ABHD2: variants seen among roughly 807,000 people sequenced by gnomAD.
ABHD2 encodes monoacylglycerol lipase ABHD2.
A neutral mutation model predicts 48.1 loss-of-function variants in ABHD2; 20 were observed. That is an observed-to-expected ratio of 0.42 (90% CI 0.29 to 0.60). ABHD2 has a LOEUF of 0.60. Among genes scored for constraint, ABHD2 ranks in the 20% least tolerant of loss-of-function variants. The probability of loss-of-function intolerance (pLI) is 0.24; values close to 1 mark genes in which losing one functional copy is unlikely to be tolerated. For synonymous variants in ABHD2, 209 were observed against 214.2 expected (o/e 0.98, Z 0.21); for missense variants, 405 against 550.9 (o/e 0.74, Z 2.65).
At chr15:89,126,055 A>C (rs1325085931) in intron 3 of ABHD2, among the ~76,000 whole-genome samples, 1 of 152,210 alleles carries the variant, frequency 6.6e-6, no homozygotes, top group Non-Finnish European at 1.5e-5. Context: ...CTGGTTTCCA[A>C]AAATGTATGA....
chr15:89,161,903 A>G (rs12911992), intron 5 of ABHD2, among the ~76,000 whole-genome samples: 5,936 of 152,312 alleles, frequency 0.039, 181 homozygotes, highest in Non-Finnish European at 0.063. Context: ...GTCCCAGATC[A>G]GGGTGTCAGC....
In ABHD2 at chr15:89,201,781, T is replaced by C. The variant is rs2051467936; in HGVS notation, c.*6358T>C. 1 of 1,482,746 alleles carries C rather than the reference T, an allele frequency of 6.7e-7. No homozygotes were observed. Among genetic ancestry groups the C allele is most frequent in the Non-Finnish European group, 9.4e-7 (1 of 1,063,474 alleles). 91.8% of individuals were successfully genotyped at this position (1,482,746 alleles called of 1,614,324 possible). A position where few individuals can be genotyped will look rare whatever the true frequency, so the allele number is the denominator to read the frequency against. Reference sequence around the variant, plus strand: ...ACCAGGATCTGCTCGTGCTTCGCCGTGGCCCCGGAGGCAGACGCCATTGGA... The same window carrying C: ...ACCAGGATCTGCTCGTGCTTCGCCGCGGCCCCGGAGGCAGACGCCATTGGA... On this transcript the variant is annotated 3_prime_UTR_variant, in exon 11 of 11. Transcript: ENST00000352732.
At position 89,137,546 on chromosome 15, in the gene ABHD2, G is replaced by A. The variant is rs1014852775; in HGVS notation, c.195-14131G>A. Among the ~76,000 whole-genome samples, 7 of 152,164 alleles carry A rather than the reference G, an allele frequency of 4.6e-5. No homozygotes were observed. Among genetic ancestry groups the A allele is most frequent in the African/African-American group, 1.7e-4 (7 of 41,434 alleles). On this transcript the variant is annotated intron_variant, in intron 3 of 10. Transcript: ENST00000352732. This position sits in a 1 kb window ranked among gnomAD's most constrained non-coding sequence, Gnocchi z 4.8. Reference sequence around the variant, plus strand: ...CCGTCCTGTATTTAGAAACCAGTTCGGGAACGGAAGAGGATTGCTCTTTTG... The same window carrying A: ...CCGTCCTGTATTTAGAAACCAGTTCAGGAACGGAAGAGGATTGCTCTTTTG...
intron 3 of ABHD2, among the ~76,000 whole-genome samples, chr15:89,138,687 T>C (rs2050354590): frequency 6.6e-6 from 1 of 152,136 alleles, no homozygotes; most frequent in Non-Finnish European, 1.5e-5. Flanking sequence ...CAGTTTTCAA[T>C]TTGAAGAAAC....
In ABHD2 at chr15:89,146,719, CA is replaced by C. The variant is rs1201993581; in HGVS notation, c.195-4957del. On this transcript the variant is annotated intron_variant, in intron 3 of 10. Transcript: ENST00000352732. The surrounding 1 kb of genome is among the most constrained non-coding windows in gnomAD (Gnocchi z 4.2). ...GCTTTAAAAAATACAGACAGAAAGA[CA>C]TGCAAATTAGCGTAGTAAAAATGGA... Among the ~76,000 whole-genome samples the C allele has an allele frequency of 4.6e-5, 7 of 152,082 alleles. No individual in the cohort carries two copies. Among genetic ancestry groups the C allele is most frequent in the African/African-American group, 1.7e-4 (7 of 41,406 alleles).
At position 89,201,949 on chromosome 15, in the gene ABHD2, A is replaced by G. The variant is rs558542673; in HGVS notation, c.*6526A>G. ...CTTATGTTGGCAGATCTGCTTCCAG[A>G]TTGATTTTTAGAGCACCATCACTTT... On this transcript the variant is annotated 3_prime_UTR_variant, in exon 11 of 11. Transcript: ENST00000352732. 2 of 504,838 alleles carry G rather than the reference A, an allele frequency of 4.0e-6. No individual in the cohort carries two copies. Among genetic ancestry groups the G allele is most frequent in the South Asian group, 5.5e-5 (2 of 36,358 alleles). The allele number at this position is 504,838 out of a possible 1,614,324, so 31.3% of individuals were successfully genotyped here.
intron 3 of ABHD2, among the ~76,000 whole-genome samples, chr15:89,124,081 G>A (rs2050095758): frequency 6.6e-6 from 1 of 152,108 alleles, no homozygotes; most frequent in South Asian, 2.1e-4. Flanking sequence ...ATTTGTCATA[G>A]ATATGCAAAA....
intron 5 of ABHD2, among the ~76,000 whole-genome samples, chr15:89,156,115 CTTTTTT>C (rs1185978751): frequency 1.2e-5 from 1 of 85,660 alleles, no homozygotes; most frequent in Non-Finnish European, 2.1e-5. Flanking sequence ...TTTTTATTGT[CTTTTTT>C]TTTTTTTTTT....
At position 89,198,395 on chromosome 15, in the gene ABHD2, CAA is replaced by C. The variant is rs2051435773; in HGVS notation, c.*2973_*2974del. On this transcript the variant is annotated 3_prime_UTR_variant, in exon 11 of 11. Transcript: ENST00000352732. This position sits in a 1 kb window ranked among gnomAD's most constrained non-coding sequence, Gnocchi z 5.1. ...GATTAACTGACTCAAAAAATGGTGTCAAGTTTCTTTAATGTTTTTATGTTAGA... is the reference window on the plus strand; with the variant it reads ...GATTAACTGACTCAAAAAATGGTGTCGTTTCTTTAATGTTTTTATGTTAGA... The C allele has an allele frequency of 6.6e-6, 1 of 152,196 alleles. No homozygotes were observed. Among genetic ancestry groups the C allele is most frequent in the African/African-American group, 2.4e-5 (1 of 41,450 alleles). The allele number at this position is 152,196 out of a possible 1,614,324, so 9.4% of individuals were successfully genotyped here.
At chr15:89,127,723 A>G (rs1300461329) in intron 3 of ABHD2, among the ~76,000 whole-genome samples, 8 of 27,246 alleles carry the variant, frequency 2.9e-4, no homozygotes, top group African/African-American at 1.6e-3. Context: ...ATATATACAC[A>G]TATATATATA....
At chr15:89,088,282 A>G (rs1400196687), upstream of ABHD2, 2 of 152,404 alleles carry the variant, frequency 1.3e-5, no homozygotes, top group African/African-American at 4.8e-5. The surrounding 1 kb of genome is among the most constrained non-coding windows in gnomAD (Gnocchi z 6.8). Flanking sequence ...CACTCTGAGG[A>G]ACAGCTTCGC....
At chr15:89,131,354 A>G (rs1340981878) in intron 3 of ABHD2, among the ~76,000 whole-genome samples, 1 of 152,144 alleles carries the variant, frequency 6.6e-6, no homozygotes, top group Non-Finnish European at 1.5e-5. Flanking sequence ...CAGCCTCTTT[A>G]TTTGAGAGAA....
chr15:89,054,664 A>G, the ABHD2 span, among the ~76,000 whole-genome samples: 2 of 151,878 alleles, frequency 1.3e-5, no homozygotes, highest in African/African-American at 4.8e-5. Context: ...TGGGCAACTG[A>G]GCAACACTCC....
At chr15:89,128,195 T>C (rs1439519591) in intron 3 of ABHD2, among the ~76,000 whole-genome samples, 1 of 152,224 alleles carries the variant, frequency 6.6e-6, no homozygotes, top group East Asian at 1.9e-4. Flanking sequence ...AGAGGGGATA[T>C]TCCTGTGGTG....
chr15:89,134,867 A>G (rs1000184764), intron 3 of ABHD2, among the ~76,000 whole-genome samples: 6 of 152,300 alleles, frequency 3.9e-5, no homozygotes, highest in Non-Finnish European at 7.4e-5. Flanking sequence ...ATGGCTTATT[A>G]GTAATGATCT....
At chr15:89,192,220 C>G (rs192468578) in intron 9 of ABHD2, among the ~76,000 whole-genome samples, 151 of 152,304 alleles carry the variant, frequency 9.9e-4, no homozygotes, top group African/African-American at 3.2e-3. Context: ...TCAGCCATCT[C>G]TCCTAGTTTA....
At chr15:89,113,058 G>A (rs770085624) in intron 1 of ABHD2, among the ~76,000 whole-genome samples, 1 of 152,162 alleles carries the variant, frequency 6.6e-6, no homozygotes, top group African/African-American at 2.4e-5. Context: ...TGCTTCTGCT[G>A]CTTTGGAAGC....
chr15:89,170,982 G>C (rs1234861828), intron 5 of ABHD2, among the ~76,000 whole-genome samples: 7 of 152,036 alleles, frequency 4.6e-5, no homozygotes, highest in South Asian at 2.1e-4. Context: ...CCGGCGTGGT[G>C]GTGGGCGCCT....
chr15:89,196,458 T>G lies in ABHD2; in HGVS notation c.*1035T>G, dbSNP rs572729476. ...GTAGATTGCTGAGCTCACTACCAGG[T>G]TCAAAGTTCAATGACAAACTCAGTT... On this transcript the variant is annotated 3_prime_UTR_variant, in exon 11 of 11. Transcript: ENST00000352732. 1 of 152,242 alleles carries G rather than the reference T, an allele frequency of 6.6e-6. No homozygotes were observed. Among genetic ancestry groups the G allele is most frequent in the South Asian group, 2.1e-4 (1 of 4,826 alleles). 9.4% of individuals were successfully genotyped at this position (152,242 alleles called of 1,614,324 possible).
Sources: gnomAD v4.1 joint callset for allele counts (sites outside exome capture counted in the v4.1 genomes callset) on GRCh38, gnomAD v4.1.1 for gene constraint, Gnocchi (gnomAD v3.1) non-coding constraint, MANE v1.5 for transcripts, NCBI Gene and HGNC (gene_info 2026-07-23, HGNC 2026-07-21) for gene names.